FTO: variants seen among roughly 807,000 people sequenced by gnomAD.
FTO encodes the protein alpha-ketoglutarate-dependent dioxygenase FTO.
A neutral mutation model predicts 63.9 loss-of-function variants in FTO; 47 were observed. The ratio of observed to expected loss-of-function variants is 0.74; its 90% CI spans 0.58 to 0.94. The LOEUF (loss-of-function observed/expected upper bound fraction) is 0.94, where lower values mean the gene tolerates loss of function less well. Among genes scored for constraint, FTO ranks in the 40% least tolerant of loss-of-function variants. The probability of loss-of-function intolerance (pLI) is 0.00; values close to 1 mark genes in which losing one functional copy is unlikely to be tolerated. For synonymous variants in FTO, 207 were observed against 224.4 expected (o/e 0.92, Z 0.69); for missense variants, 562 against 618.1 (o/e 0.91, Z 0.96).
At chr16:54,082,837 T>G (rs1320425119) in intron 8 of FTO, among the ~76,000 whole-genome samples, 1 of 152,108 alleles carries the variant, frequency 6.6e-6, no homozygotes, top group East Asian at 1.9e-4. Context: ...AAAACAAACT[T>G]CCTGAGAAGA....
At chr16:53,885,290 C>G (rs1324064799) in intron 6 of FTO, among the ~76,000 whole-genome samples, 1 of 152,080 alleles carries the variant, frequency 6.6e-6, no homozygotes, top group Admixed American at 6.5e-5. Context: ...CTACTTCTTT[C>G]TCTTGGCAGT....
intron 8 of FTO, among the ~76,000 whole-genome samples, chr16:53,968,172 A>T (rs2083237255): frequency 6.6e-6 from 1 of 152,186 alleles, no homozygotes; most frequent in Non-Finnish European, 1.5e-5. Context: ...ATCCAGCTTG[A>T]GATAATGTGC....
chr16:53,855,005 G>A (rs2079941279), intron 4 of FTO, among the ~76,000 whole-genome samples: 1 of 150,824 alleles, frequency 6.6e-6, no homozygotes, highest in Admixed American at 6.6e-5. Context: ...TACTACCTTG[G>A]TCAAGTTTAT....
Position 53,934,071 on chromosome 16 carries a change from C to G in FTO, c.1326C>G (p.Leu442=). Residue 442 remains leucine, a synonymous_variant, in exon 8 of 9, where the codon CTC becomes CTG. Transcript: ENST00000471389. Reference sequence around the variant, plus strand: ...TCTTGACTGCCATCCTTGCCTCGCTCACTGCACGCCAGAACCTGAGGAGAG... The same window carrying G: ...TCTTGACTGCCATCCTTGCCTCGCTGACTGCACGCCAGAACCTGAGGAGAG... The part of the protein sequence containing the change: ...NEILTAILAS[L]TARQNLRREW... 6.2e-7 allele frequency: 1 copy of G among 1,614,124 alleles called. No homozygotes were observed. The highest frequency in any genetic ancestry group is 8.5e-7 in the Non-Finnish European group (1 of 1,179,966).
At chr16:53,751,207 A>G (rs955430123) in intron 1 of FTO, among the ~76,000 whole-genome samples, 2 of 152,266 alleles carry the variant, frequency 1.3e-5, no homozygotes, top group South Asian at 2.1e-4. Flanking sequence ...CAGGAGTTCG[A>G]GACCAGCCCA....
In FTO at chr16:54,018,381, AGAT is replaced by A. The variant is rs556130188; in HGVS notation, c.1364+84276_1364+84278del. Among the ~76,000 whole-genome samples the A allele has an allele frequency of 0.012, 449 of 37,942 alleles. 1 individual carries two copies. The African/African-American group carries it at 0.14, about 12-fold the overall frequency. The allele number at this position is 37,942 out of a possible 152,430, so 24.9% of individuals were successfully genotyped here. A position where few individuals can be genotyped will look rare whatever the true frequency, so the allele number is the denominator to read the frequency against. On this transcript the variant is annotated intron_variant, in intron 8 of 8. Transcript: ENST00000471389. ...TGGCATGGTTATAGCTTAGATAGATAGATGATAGATAGATAGATAGATAGATAG... is the reference window on the plus strand; with the variant it reads ...TGGCATGGTTATAGCTTAGATAGATAGATAGATAGATAGATAGATAGATAG...
At chr16:53,904,747 A>C (rs1275607983) in intron 7 of FTO, among the ~76,000 whole-genome samples, 1 of 152,086 alleles carries the variant, frequency 6.6e-6, no homozygotes, top group African/African-American at 2.4e-5. Flanking sequence ...GAATCTGTTC[A>C]GGTCTGAGTT....
intron 1 of FTO, among the ~76,000 whole-genome samples, chr16:53,711,623 A>G (rs547560030): frequency 1.3e-4 from 20 of 152,354 alleles, no homozygotes; most frequent in African/African-American, 4.3e-4. Context: ...CAGAAACATT[A>G]AAACTGTTTC....
chr16:53,740,356 G>T (rs575337199), intron 1 of FTO, among the ~76,000 whole-genome samples: 2 of 152,104 alleles, frequency 1.3e-5, no homozygotes, highest in Non-Finnish European at 2.9e-5. Flanking sequence ...AAAATTTTAC[G>T]TATATTTTGA....
chr16:53,906,919 C>A (rs1174205484), intron 7 of FTO, among the ~76,000 whole-genome samples: 2 of 152,180 alleles, frequency 1.3e-5, no homozygotes, highest in African/African-American at 2.4e-5. Flanking sequence ...TGTGGGAGAA[C>A]TCTTACCTTT....
intron 6 of FTO, among the ~76,000 whole-genome samples, chr16:53,881,167 A>G (rs1408494767): frequency 2.0e-5 from 3 of 151,810 alleles, no homozygotes; most frequent in Non-Finnish European, 2.9e-5. Context: ...AAAATAAAAA[A>G]GAATTTTGGA....
chr16:53,868,100 T>G (rs1432967577), intron 4 of FTO, among the ~76,000 whole-genome samples: 2 of 152,146 alleles, frequency 1.3e-5, no homozygotes, highest in Admixed American at 1.3e-4. Context: ...GAATTGAGTT[T>G]CTTGTAGATA....
chr16:53,947,641 C>T (rs1250967189), intron 8 of FTO, among the ~76,000 whole-genome samples: 2 of 152,152 alleles, frequency 1.3e-5, no homozygotes, highest in African/African-American at 4.8e-5. Context: ...TCGAAAATTG[C>T]CTACTAAATA....
At chr16:53,713,200 A>G (rs572133721) in intron 1 of FTO, among the ~76,000 whole-genome samples, 1 of 152,308 alleles carries the variant, frequency 6.6e-6, no homozygotes, top group Non-Finnish European at 1.5e-5. Context: ...ATTTTGAGAA[A>G]CAAGACTCTT....
At chr16:54,111,131 G>C (rs1476687293) in intron 8 of FTO, among the ~76,000 whole-genome samples, 1 of 152,148 alleles carries the variant, frequency 6.6e-6, no homozygotes, top group Non-Finnish European at 1.5e-5. Context: ...ACTAACTCTT[G>C]CTGGCCTCTT....
chr16:53,767,109 C>T (rs1400772719), intron 1 of FTO, among the ~76,000 whole-genome samples: 1 of 152,132 alleles, frequency 6.6e-6, no homozygotes, highest in Non-Finnish European at 1.5e-5. Context: ...GGGCATCTCC[C>T]CACTGGGCCA....
intron 8 of FTO, among the ~76,000 whole-genome samples, chr16:54,048,658 A>G (rs1342286117): frequency 1.2e-4 from 19 of 152,210 alleles, no homozygotes; most frequent in Admixed American, 1.2e-3. Context: ...CTGGCATGCC[A>G]TCCCAATTCT....
chr16:53,950,956 G>A lies in FTO; in HGVS notation c.1364+16847G>A, dbSNP rs553369288. 2.9e-4 allele frequency among the ~76,000 whole-genome samples: 44 copies of A among 152,262 alleles called. No homozygotes were observed. The South Asian group carries it at 3.5e-3, about 12-fold the overall frequency. On this transcript the variant is annotated intron_variant, in intron 8 of 8. Transcript: ENST00000471389. The stretch of plus-strand genomic sequence containing the variant: ...AGCAAACAGCTGTGTTGGCTTTACC[G>A]TATTATACATCACATAAAGCATCTC...
intron 8 of FTO, among the ~76,000 whole-genome samples, chr16:54,099,463 C>T (rs1305858386): frequency 6.6e-6 from 1 of 152,110 alleles, no homozygotes; most frequent in Non-Finnish European, 1.5e-5. Context: ...AAGCGTCCAA[C>T]CAAGCGGCCT....
Sources: allele counts gnomAD v4.1 joint callset (sites outside exome capture counted in the v4.1 genomes callset), GRCh38; gene constraint gnomAD v4.1.1; transcripts MANE v1.5; gene names NCBI Gene and HGNC (gene_info 2026-07-23, HGNC 2026-07-21).